Variants in BTAF1 observed in about 807,000 individuals in gnomAD.
BTAF1 encodes the protein TATA-binding protein-associated factor 172.
Under a neutral mutation model 227.1 loss-of-function variants are expected in BTAF1, and 38 were observed. The observed-to-expected ratio is 0.17, with a 90% CI of 0.13 to 0.22. The LOEUF is 0.22. Among genes scored for constraint, BTAF1 ranks in the 10% least tolerant of loss-of-function variants. BTAF1 has a pLI of 1.00. For missense variants in BTAF1, 1,598 were observed against 2,204.0 expected (o/e 0.73, Z 5.51); for synonymous variants, 742 against 751.9 (o/e 0.99, Z 0.21).
At position 92,026,683 on chromosome 10, in the gene BTAF1, T is replaced by G. The variant is rs768241618; in HGVS notation, c.5167T>G (p.Phe1723Val). Residue 1723 changes from phenylalanine (F) to valine (V), a missense_variant, in exon 36 of 38, where the codon TTT becomes GTT. Phe to Val is a conservative substitution (Grantham distance 50). Transcript: ENST00000265990. ...LNLTGADTVV[F>V]VEHDWNPMRD... ...TTTGACAGGCGCTGACACAGTAGTA[T>G]TTGTGGAGCATGACTGGAATCCTAT... The G allele has an allele frequency of 6.2e-7, 1 of 1,613,994 alleles. No individual in the cohort carries two copies. The highest frequency in any genetic ancestry group is 8.5e-7 in the Non-Finnish European group (1 of 1,179,980).
At chr10:91,980,426 CA>C in intron 14 of BTAF1, 27 bp from the exon 15 acceptor site, 1 of 1,493,544 alleles carries the variant, frequency 6.7e-7, no homozygotes, top group Non-Finnish European at 9.3e-7. Context: ...TTATATGCTA[CA>C]GCTTTTAATT....
At chr10:92,002,058 C>T (rs778330385) in intron 25 of BTAF1, among the ~76,000 whole-genome samples, 38 of 149,280 alleles carry the variant, frequency 2.5e-4, no homozygotes, top group Non-Finnish European at 4.4e-4. Context: ...AGTGTGATGA[C>T]GAGCACAATG....
At chr10:91,932,652 A>G (rs1199841316) in intron 1 of BTAF1, among the ~76,000 whole-genome samples, 3 of 152,228 alleles carry the variant, frequency 2.0e-5, no homozygotes, top group African/African-American at 7.2e-5. Flanking sequence ...AAAAAAATAT[A>G]ATAAATACTT....
At chr10:92,014,117 T>G in intron 32 of BTAF1, 88 bp downstream of exon 32, 1 of 1,391,036 alleles carries the variant, frequency 7.2e-7, no homozygotes, top group Non-Finnish European at 9.7e-7. Context: ...ATAAAGGGGC[T>G]TAGCCTTTGG....
At position 92,003,151 on chromosome 10, in the gene BTAF1, G is replaced by A. The variant is rs1487690552; in HGVS notation, c.3661-4972G>A. Among the ~76,000 whole-genome samples, 81 of 36,010 alleles carry A rather than the reference G, an allele frequency of 2.2e-3. 1 individual carries two copies. The highest frequency in any genetic ancestry group is 6.2e-3 in the African/African-American group (72 of 11,654). The allele number at this position is 36,010 out of a possible 152,430, so 23.6% of individuals were successfully genotyped here. The stretch of plus-strand genomic sequence containing the variant: ...AGCTTGGGCGACAGAGTGAGACTCC[G>A]TCTCAAAAAAAAAAAAAAAGTTACG... On this transcript the variant is annotated intron_variant, in intron 25 of 37. Coordinates refer to ENST00000265990, the MANE Select transcript of BTAF1 (RefSeq NM_003972.3).
At chr10:91,991,789 GTGTGTGTGTATATA>G (rs1307106641) in intron 20 of BTAF1, among the ~76,000 whole-genome samples, 6 of 77,840 alleles carry the variant, frequency 7.7e-5, no homozygotes, top group African/African-American at 2.2e-4. Context: ...GTGTGTGTGT[GTGTGTGTGTATATA>G]TATATATATA....
At chr10:91,999,463 C>T (rs988250513) in intron 25 of BTAF1, among the ~76,000 whole-genome samples, 1 of 152,082 alleles carries the variant, frequency 6.6e-6, no homozygotes, top group South Asian at 2.1e-4. Context: ...GGCGCGACCT[C>T]AGCTCACTGC....
At chr10:92,009,414 T>G (rs1438848062) in intron 28 of BTAF1, among the ~76,000 whole-genome samples, 2 of 152,232 alleles carry the variant, frequency 1.3e-5, no homozygotes, top group South Asian at 2.1e-4. Flanking sequence ...TACAATAAGT[T>G]GAGCTTTCCT....
chr10:91,973,333 G>A (rs1847441948), intron 14 of BTAF1, among the ~76,000 whole-genome samples: 1 of 152,184 alleles, frequency 6.6e-6, no homozygotes, highest in African/African-American at 2.4e-5. Flanking sequence ...CTCTGTCAGA[G>A]TTACATGGAT....
chr10:91,962,685 T>G lies in BTAF1; in HGVS notation c.1404+7T>G. 6.3e-7 allele frequency: 1 copy of G among 1,579,864 alleles called. No homozygotes were observed. The highest frequency in any genetic ancestry group is 8.6e-7 in the Non-Finnish European group (1 of 1,166,328). On this transcript the variant is annotated splice_region_variant and intron_variant, in intron 12 of 37. Transcript: ENST00000265990. ...CTATCTTCAGACACAAAAGGTAAATTAAATATTTTTACAGTTTCTTACTAT... is the reference window on the plus strand; with the variant it reads ...CTATCTTCAGACACAAAAGGTAAATGAAATATTTTTACAGTTTCTTACTAT...
chr10:91,990,341 C>T (rs1848651270), intron 20 of BTAF1, among the ~76,000 whole-genome samples: 1 of 151,932 alleles, frequency 6.6e-6, no homozygotes, highest in African/African-American at 2.4e-5. Flanking sequence ...GGTCATTCTC[C>T]CCCCTCTTAC....
intron 11 of BTAF1, among the ~76,000 whole-genome samples, chr10:91,960,565 A>G (rs1846432185): frequency 6.6e-6 from 1 of 150,812 alleles, no homozygotes; most frequent in Non-Finnish European, 1.5e-5. Context: ...ATGGTCATGT[A>G]CTTTTTACAT....
intron 16 of BTAF1, 144 bp downstream of exon 16, chr10:91,981,936 C>A (rs1013962972): frequency 3.0e-6 from 4 of 1,337,186 alleles, no homozygotes; most frequent in East Asian, 5.1e-5. Context: ...AGGACCCTGA[C>A]AAAATGAATA....
At chr10:92,005,029 G>T (rs773779339) in intron 25 of BTAF1, among the ~76,000 whole-genome samples, 1 of 152,032 alleles carries the variant, frequency 6.6e-6, no homozygotes, top group Non-Finnish European at 1.5e-5. Context: ...GTGTTCTTTT[G>T]TCAAAGATTA....
At chr10:92,028,620 TA>T (rs1300480489) in intron 37 of BTAF1, among the ~76,000 whole-genome samples, 169 bp from the exon 38 acceptor site, 3 of 152,108 alleles carry the variant, frequency 2.0e-5, no homozygotes, top group African/African-American at 7.2e-5. Flanking sequence ...TCTTTCCAAA[TA>T]AAAAACTGAC....
At chr10:92,009,460 G>A (rs1748471373) in intron 28 of BTAF1, among the ~76,000 whole-genome samples, 1 of 152,206 alleles carries the variant, frequency 6.6e-6, no homozygotes, top group African/African-American at 2.4e-5. Context: ...AAGCCATTTT[G>A]TATGCCCCTT....
At chr10:91,994,498 T>A (rs146616664) in intron 22 of BTAF1, 37 bp from the exon 23 acceptor site, 8 of 1,501,342 alleles carry the variant, frequency 5.3e-6, no homozygotes, top group Non-Finnish European at 6.4e-6. Context: ...TTTTGAAAAA[T>A]TATTTGCCAG....
chr10:91,935,735 A>G lies in BTAF1; in HGVS notation c.93A>G (p.Glu31=), dbSNP rs747490146. ...TRKAAAQQLG[E]VVKLHPHELN... ...AAGCTGCTGCACAGCAACTTGGAGA[A>G]GTGGTGAAGCTTCATCCCCATGAAC... is the stretch of plus-strand genomic sequence containing the variant. Residue 31 remains glutamate, a synonymous_variant, in exon 2 of 38, where the codon GAA becomes GAG. Transcript: ENST00000265990. 6.2e-7 allele frequency: 1 copy of G among 1,613,694 alleles called. No homozygotes were observed. Among genetic ancestry groups the G allele is most frequent in the Non-Finnish European group, 8.5e-7 (1 of 1,179,756 alleles).
At chr10:92,016,948 A>G (rs546448232) in intron 33 of BTAF1, among the ~76,000 whole-genome samples, 1 of 152,358 alleles carries the variant, frequency 6.6e-6, no homozygotes, top group South Asian at 2.1e-4. Flanking sequence ...AATTAAATGT[A>G]TAAAATGCAA....
Sources: gnomAD v4.1 joint callset for allele counts (sites outside exome capture counted in the v4.1 genomes callset) on GRCh38, gnomAD v4.1.1 for gene constraint, MANE v1.5 for transcripts, NCBI Gene and HGNC (gene_info 2026-07-23, HGNC 2026-07-21) for gene names.